The following TP53AIP1 variants were observed in gnomAD, a reference collection of about 807,000 sequenced individuals.
The protein encoded by TP53AIP1 is tumor protein p53 regulated apoptosis inducing protein 1, also known as p53-regulated apoptosis-inducing protein 1.
TP53AIP1 carries 14 observed loss-of-function variants against 9.5 expected under a neutral mutation model. That is an observed-to-expected ratio of 1.47 (90% CI 0.97 to 2.30). The LOEUF is 2.30. Ranked by LOEUF, TP53AIP1 falls within the 30% of genes most tolerant of loss-of-function variation. The probability of loss-of-function intolerance (pLI) is 0.00; values close to 1 mark genes in which losing one functional copy is unlikely to be tolerated. For synonymous variants in TP53AIP1, 73 were observed against 61.2 expected (o/e 1.19, Z -0.90); for missense variants, 153 against 146.7 (o/e 1.04, Z -0.22).
chr11:128,935,530 T>C lies in TP53AIP1; in HGVS notation c.*61A>G. 1.5e-6 allele frequency: 2 copies of C among 1,370,324 alleles called. No individual in the cohort carries two copies. The highest frequency in any genetic ancestry group is 9.8e-7 in the Non-Finnish European group (1 of 1,023,236). The allele number at this position is 1,370,324 out of a possible 1,614,324, so 84.9% of individuals were successfully genotyped here. A position where few individuals can be genotyped will look rare whatever the true frequency, so the allele number is the denominator to read the frequency against. ...GTGCTTTCTGTTTGTTTGTTTGTTTTTGTTTTGAGATGGAGTCTCTCTCTG... is the reference window on the plus strand; with the variant it reads ...GTGCTTTCTGTTTGTTTGTTTGTTTCTGTTTTGAGATGGAGTCTCTCTCTG... On this transcript the variant is annotated 3_prime_UTR_variant, in exon 4 of 4. Coordinates refer to ENST00000531399, the MANE Select transcript of TP53AIP1 (RefSeq NM_022112.3).
rs529599570 is a variant in TP53AIP1, at chr11:128,941,582, T to C, written c.-77+1212A>G. ...TGCCAGCTGGCATGATGTTTAGCCC[T>C]GTGCAGAGGCAGGGGCCTCTCCCCG... On this transcript the variant is annotated intron_variant, in intron 1 of 3. Coordinates refer to ENST00000531399, the MANE Select transcript of TP53AIP1 (RefSeq NM_022112.3). Among the ~76,000 whole-genome samples, 6 of 152,382 alleles carry C rather than the reference T, an allele frequency of 3.9e-5. No individual in the cohort carries two copies. In the East Asian group the frequency reaches 1.2e-3, roughly 29 times the overall value.
chr11:128,937,655 C>T lies in TP53AIP1; in HGVS notation c.141+23G>A, dbSNP rs546435313. ...GGCTGTGGCAGGCAAAAGACCGTCT[C>T]GGTTTTCACTGCAGGGACTTACCCA... is the stretch of plus-strand genomic sequence containing the variant. On this transcript the variant is annotated intron_variant, in intron 2 of 3. Transcript: ENST00000531399. This position sits in a 1 kb window ranked among gnomAD's most constrained non-coding sequence, Gnocchi z 4.8. 13 of 1,614,156 alleles carry T rather than the reference C, an allele frequency of 8.1e-6. No individual in the cohort carries two copies. The East Asian group carries it at 1.6e-4, about 19-fold the overall frequency.
At position 128,935,400 on chromosome 11, in the gene TP53AIP1, GA is replaced by G; in HGVS notation, c.*190del. The stretch of plus-strand genomic sequence containing the variant: ...TTCCAGCTTTTATTTCAGATTTGGG[GA>G]TACAGAAGGATGCAAAATGAGGCAA... On this transcript the variant is annotated 3_prime_UTR_variant, in exon 4 of 4. Transcript: ENST00000531399. 1 of 1,415,562 alleles carries G rather than the reference GA, an allele frequency of 7.1e-7. No homozygotes were observed. The highest frequency in any genetic ancestry group is 9.2e-7 in the Non-Finnish European group (1 of 1,091,310). The allele number at this position is 1,415,562 out of a possible 1,614,324, so 87.7% of individuals were successfully genotyped here.
intron 3 of TP53AIP1, chr11:128,935,944 A>G (rs1038027285): frequency 7.3e-6 from 9 of 1,234,608 alleles, no homozygotes; most frequent in Non-Finnish European, 9.2e-6. Context: ...GAATAAACAA[A>G]ATATGCTAAT....
downstream of TP53AIP1, chr11:128,934,872 A>C: frequency 4.8e-6 from 3 of 624,758 alleles, no homozygotes; most frequent in Non-Finnish European, 5.8e-6. Flanking sequence ...CCCACTGGGG[A>C]TCCTCGGAAG....
At position 128,937,667 on chromosome 11, in the gene TP53AIP1, C is replaced by T; in HGVS notation, c.141+11G>A. 6.2e-7 allele frequency: 1 copy of T among 1,614,192 alleles called. No homozygotes were observed. Among genetic ancestry groups the T allele is most frequent in the Non-Finnish European group, 8.5e-7 (1 of 1,180,040 alleles). On this transcript the variant is annotated intron_variant, in intron 2 of 3. Coordinates refer to ENST00000531399, the MANE Select transcript of TP53AIP1 (RefSeq NM_022112.3). This position sits in a 1 kb window ranked among gnomAD's most constrained non-coding sequence, Gnocchi z 4.8. ...CAAAAGACCGTCTCGGTTTTCACTG[C>T]AGGGACTTACCCAGCCAGGTGTGTG...
chr11:128,942,625 C>A lies in TP53AIP1; in HGVS notation c.-77+169G>T, dbSNP rs560119655. 5.0e-4 allele frequency among the ~76,000 whole-genome samples: 76 copies of A among 152,312 alleles called. 1 individual carries two copies. The South Asian group carries it at 0.015, about 31-fold the overall frequency. On this transcript the variant is annotated intron_variant, in intron 1 of 3. Transcript: ENST00000531399. ...AGGGTTCAGAACCATTGAGAGAGAG[C>A]AGTTTAGCTGACCTCCTCCAGGCCT... is the stretch of plus-strand genomic sequence containing the variant.
Position 128,937,657 on chromosome 11 carries a change from G to A in TP53AIP1, c.141+21C>T. 6.2e-7 allele frequency: 1 copy of A among 1,614,162 alleles called. No individual in the cohort carries two copies. Among genetic ancestry groups the A allele is most frequent in the Non-Finnish European group, 8.5e-7 (1 of 1,180,022 alleles). On this transcript the variant is annotated intron_variant, in intron 2 of 3. Transcript: ENST00000531399. The surrounding 1 kb of genome is among the most constrained non-coding windows in gnomAD (Gnocchi z 4.8). The stretch of plus-strand genomic sequence containing the variant: ...CTGTGGCAGGCAAAAGACCGTCTCG[G>A]TTTTCACTGCAGGGACTTACCCAGC...
Position 128,935,703 on chromosome 11 carries a change from A to T in TP53AIP1, c.263T>A (p.Leu88Gln). The change falls in exon 4 of 4, where the codon CTA becomes CAA. Residue 88 changes from leucine (L) to glutamine (Q), a missense_variant. Coordinates refer to ENST00000531399, the MANE Select transcript of TP53AIP1 (RefSeq NM_022112.3). ...AGGAAGGAAAGGCCTGGAGAGACCT[A>T]GACCAAGGCCTCAGTAGGGAGGGAG... is the stretch of plus-strand genomic sequence containing the variant. ...ATVWILTGLG[L>Q]GLSRPFLPGA... 6.3e-7 allele frequency: 1 copy of T among 1,576,712 alleles called. No individual in the cohort carries two copies. The highest frequency in any genetic ancestry group is 1.3e-5 in the African/African-American group (1 of 74,582).
chr11:128,935,900 T>G, intron 3 of TP53AIP1, 188 bp from the exon 4 acceptor site: 1 of 1,313,696 alleles, frequency 7.6e-7, no homozygotes, highest in Non-Finnish European at 9.6e-7. Context: ...TTAGATTTCA[T>G]AGATATCAAA....
chr11:128,939,742 T>C lies in TP53AIP1; in HGVS notation c.-76-1848A>G, dbSNP rs956246217. On this transcript the variant is annotated intron_variant, in intron 1 of 3. Transcript: ENST00000531399. This position sits in a 1 kb window ranked among gnomAD's most constrained non-coding sequence, Gnocchi z 4.1. ...AACACGATGCCTCGGTGCCATGAAA[T>C]GACAGCTGCTTCTTTTGAAGAACTG... is the stretch of plus-strand genomic sequence containing the variant. Among the ~76,000 whole-genome samples, 8 of 152,352 alleles carry C rather than the reference T, an allele frequency of 5.3e-5. No homozygotes were observed. The highest frequency in any genetic ancestry group is 8.8e-5 in the Non-Finnish European group (6 of 68,036).
At chr11:128,934,838 C>T (rs1204844580), downstream of TP53AIP1, 1 of 590,446 alleles carries the variant, frequency 1.7e-6, no homozygotes, top group Non-Finnish European at 3.0e-6. Context: ...GTTGTGGCAT[C>T]CAATGTGGGC....
At position 128,936,660 on chromosome 11, in the gene TP53AIP1, A is replaced by T; in HGVS notation, c.142-11T>A. On this transcript the variant is annotated splice_polypyrimidine_tract_variant and intron_variant, in intron 2 of 3. Coordinates refer to ENST00000531399, the MANE Select transcript of TP53AIP1 (RefSeq NM_022112.3). Reference sequence around the variant, plus strand: ...TAAGGGATCTGAAACCTGAGAGGAAATGGAAGCAGACTGTGAGGCCCTGCA... The same window carrying T: ...TAAGGGATCTGAAACCTGAGAGGAATTGGAAGCAGACTGTGAGGCCCTGCA... 1 of 1,571,578 alleles carries T rather than the reference A, an allele frequency of 6.4e-7. No individual in the cohort carries two copies. The highest frequency in any genetic ancestry group is 8.6e-7 in the Non-Finnish European group (1 of 1,166,602).
chr11:128,941,485 C>T (rs564568659), intron 1 of TP53AIP1, among the ~76,000 whole-genome samples: 1 of 152,326 alleles, frequency 6.6e-6, no homozygotes, highest in South Asian at 2.1e-4. Context: ...AATGGGTTGC[C>T]TCAGCCCCCA....
rs188662966 is a variant in TP53AIP1, at chr11:128,939,308, C to G, written c.-76-1414G>C. Among the ~76,000 whole-genome samples the G allele has an allele frequency of 6.6e-6, 1 of 152,160 alleles. No individual in the cohort carries two copies. The highest frequency in any genetic ancestry group is 1.5e-5 in the Non-Finnish European group (1 of 68,030). On this transcript the variant is annotated intron_variant, in intron 1 of 3. Coordinates refer to ENST00000531399, the MANE Select transcript of TP53AIP1 (RefSeq NM_022112.3). The surrounding 1 kb of genome is among the most constrained non-coding windows in gnomAD (Gnocchi z 4.1). Reference sequence around the variant, plus strand: ...CCCAGCAGCAATGCAAAGCCACCCCCAGAAGAGCTGCCCAGGACAAGTGAT... The same window carrying G: ...CCCAGCAGCAATGCAAAGCCACCCCGAGAAGAGCTGCCCAGGACAAGTGAT...
chr11:128,936,147 G>A, intron 3 of TP53AIP1: 1 of 1,030,736 alleles, frequency 9.7e-7, no homozygotes, highest in Non-Finnish European at 1.2e-6. Context: ...GTAGAGTCAG[G>A]ATTTGAACCC....
In TP53AIP1 at chr11:128,937,607, C is replaced by G. The variant is rs139851048; in HGVS notation, c.141+71G>C. ...CTGAAAACTTGGGATGTCGGCACCA[C>G]GGTGAGAGCAGAGTCTGCCCGGGGC... On this transcript the variant is annotated intron_variant, in intron 2 of 3. Transcript: ENST00000531399. This position sits in a 1 kb window ranked among gnomAD's most constrained non-coding sequence, Gnocchi z 4.8. The G allele has an allele frequency of 6.2e-7, 1 of 1,614,142 alleles. No homozygotes were observed. The highest frequency in any genetic ancestry group is 1.1e-5 in the South Asian group (1 of 91,080).
Position 128,937,827 on chromosome 11 carries a change from G to T in TP53AIP1, c.-9C>A, listed in dbSNP as rs761059884. 2.5e-6 allele frequency: 4 copies of T among 1,598,712 alleles called. No homozygotes were observed. The highest frequency in any genetic ancestry group is 1.8e-5 in the Admixed American group (1 of 56,854). ...TCAGAGGAAGATCCCATCCAGGGGA[G>T]GCCCTGTCTGCAGAAAGCAGAGAAC... On this transcript the variant is annotated 5_prime_UTR_variant, in exon 2 of 4. Transcript: ENST00000531399. The surrounding 1 kb of genome is among the most constrained non-coding windows in gnomAD (Gnocchi z 4.8).
At chr11:128,934,806 G>A, downstream of TP53AIP1, 1 of 562,320 alleles carries the variant, frequency 1.8e-6, no homozygotes, top group South Asian at 2.1e-5. Flanking sequence ...GACCCACAGG[G>A]AAGGGAGAAA....
Sources: allele counts gnomAD v4.1 joint callset (sites outside exome capture counted in the v4.1 genomes callset), GRCh38; gene constraint gnomAD v4.1.1; non-coding constraint Gnocchi (gnomAD v3.1); transcripts MANE v1.5; gene names NCBI Gene and HGNC (gene_info 2026-07-23, HGNC 2026-07-21).